Variants in MYO1H observed in about 807,000 individuals in gnomAD.
MYO1H encodes unconventional myosin-Ih.
A neutral mutation model predicts 149.3 loss-of-function variants in MYO1H; 118 were observed. That is an observed-to-expected ratio of 0.79 (90% CI 0.68 to 0.92). MYO1H has a LOEUF of 0.92. Ranked by LOEUF, MYO1H falls within the 40% of genes least tolerant of loss-of-function variation. MYO1H has a pLI of 0.00. For missense variants in MYO1H, 1,212 were observed against 1,280.7 expected, an observed-to-expected ratio of 0.95 and a Z score of 0.82; for synonymous variants, 447 against 465.2, an observed-to-expected ratio of 0.96 and a Z score of 0.50.
At chr12:109,425,742 C>G (rs1260584977) in intron 17 of MYO1H, among the ~76,000 whole-genome samples, 1 of 152,170 alleles carries the variant, frequency 6.6e-6, no homozygotes, top group Non-Finnish European at 1.5e-5. Context: ...CCAGCTTCCA[C>G]GTGACCAGAC....
chr12:109,414,720 T>A (rs1870830396), intron 14 of MYO1H, among the ~76,000 whole-genome samples: 1 of 152,142 alleles, frequency 6.6e-6, no homozygotes, highest in African/African-American at 2.4e-5. Flanking sequence ...TATTTTTTTA[T>A]TTTTTGAGAC....
chr12:109,358,594 GC>G (rs1868660728), intron 1 of MYO1H, among the ~76,000 whole-genome samples: 1 of 152,106 alleles, frequency 6.6e-6, no homozygotes, highest in Admixed American at 6.5e-5. Context: ...ACAGAATTTT[GC>G]CATGCAATGT....
intron 6 of MYO1H, 164 bp downstream of exon 6, chr12:109,401,436 C>T: frequency 1.5e-6 from 1 of 652,370 alleles, no homozygotes; most frequent in Non-Finnish European, 2.4e-6. Flanking sequence ...AATCCATCTC[C>T]TCTTATGCCT....
the MYO1H span, among the ~76,000 whole-genome samples, chr12:109,325,827 A>G: frequency 1.3e-5 from 2 of 152,222 alleles, no homozygotes; most frequent in Non-Finnish European, 2.9e-5. Flanking sequence ...ATAGCTCATC[A>G]TCACTGATCA....
Position 109,367,058 on chromosome 12 carries a change from C to T in MYO1H, c.12+19086C>T, listed in dbSNP as rs1265249321. The stretch of plus-strand genomic sequence containing the variant: ...TCCCAAGCAGTTCAAATAAGGGATA[C>T]TCAACCTGTATGTCAATTGTTATTT... On this transcript the variant is annotated intron_variant, in intron 1 of 31. Transcript: ENST00000310903. Among the ~76,000 whole-genome samples, 3 of 152,166 alleles carry T rather than the reference C, an allele frequency of 2.0e-5. 1 individual carries two copies. Among genetic ancestry groups the T allele is most frequent in the Admixed American group, 2.0e-4 (3 of 15,288 alleles).
chr12:109,445,750 A>G, intron 31 of MYO1H, 138 bp downstream of exon 31: 1 of 1,367,956 alleles, frequency 7.3e-7, no homozygotes, highest in Non-Finnish European at 9.4e-7. Flanking sequence ...TCCTAATTCT[A>G]CATCTGTAAG....
At chr12:109,446,788 T>C (rs1872500729) in intron 31 of MYO1H, among the ~76,000 whole-genome samples, 1 of 152,214 alleles carries the variant, frequency 6.6e-6, no homozygotes, top group Non-Finnish European at 1.5e-5. Flanking sequence ...ATTTTGTAGA[T>C]ATAAAATAAT....
At chr12:109,345,985 T>C (rs186242137), upstream of MYO1H, among the ~76,000 whole-genome samples, 273 of 152,292 alleles carry the variant, frequency 1.8e-3, 3 homozygotes, top group Non-Finnish European at 2.5e-4. Flanking sequence ...AGGATTTCTT[T>C]TGGGGGTCAT....
At chr12:109,355,169 C>T (rs1173197281) in intron 1 of MYO1H, among the ~76,000 whole-genome samples, 1 of 152,008 alleles carries the variant, frequency 6.6e-6, no homozygotes, top group Non-Finnish European at 1.5e-5. Context: ...CTGTGAGCCC[C>T]CTTTTCTACC....
intron 19 of MYO1H, among the ~76,000 whole-genome samples, 157 bp from the exon 20 acceptor site, chr12:109,432,740 T>A (rs1484007064): frequency 2.0e-5 from 3 of 152,168 alleles, no homozygotes; most frequent in African/African-American, 7.2e-5. Flanking sequence ...AAAGTACCCA[T>A]CTTTGAATTC....
At chr12:109,423,152 A>C (rs2135575241) in intron 16 of MYO1H, among the ~76,000 whole-genome samples, 1 of 151,284 alleles carries the variant, frequency 6.6e-6, no homozygotes, top group South Asian at 2.1e-4. Flanking sequence ...TAGCATTTTA[A>C]TCATTTTATT....
chr12:109,406,490 AAAAAAAAAAATT>A (rs1870398445), intron 8 of MYO1H, among the ~76,000 whole-genome samples: 1 of 147,090 alleles, frequency 6.8e-6, no homozygotes, highest in African/African-American at 2.5e-5. Context: ...AAAAAAAAAA[AAAAAAAAAAATT>A]AGCTATGAAT....
chr12:109,382,449 A>G (rs553515695), intron 1 of MYO1H, among the ~76,000 whole-genome samples: 1 of 152,362 alleles, frequency 6.6e-6, no homozygotes, highest in Admixed American at 6.5e-5. Flanking sequence ...CATTGGCTAA[A>G]TGCAATGTGT....
intron 1 of MYO1H, among the ~76,000 whole-genome samples, chr12:109,367,609 T>G (rs1489495881): frequency 6.6e-6 from 1 of 152,124 alleles, no homozygotes; most frequent in Admixed American, 6.5e-5. Context: ...TGGAGTACAA[T>G]GACACTATCT....
At chr12:109,395,344 A>C (rs1464164675) in intron 3 of MYO1H, among the ~76,000 whole-genome samples, 1 of 152,242 alleles carries the variant, frequency 6.6e-6, no homozygotes, top group Non-Finnish European at 1.5e-5. Context: ...ATTTTCATCT[A>C]GAGTTAATAG....
At chr12:109,438,188 G>C (rs1233677379) in intron 22 of MYO1H, among the ~76,000 whole-genome samples, 1 of 151,348 alleles carries the variant, frequency 6.6e-6, no homozygotes, top group African/African-American at 2.4e-5. Flanking sequence ...ACAACTAAAA[G>C]TAAACCCCAG....
chr12:109,333,483 G>C, the MYO1H span, among the ~76,000 whole-genome samples: 1 of 152,010 alleles, frequency 6.6e-6, no homozygotes, highest in Non-Finnish European at 1.5e-5. Flanking sequence ...CTCCTCTAAG[G>C]TTCTTTCTCT....
At chr12:109,394,832 G>T (rs1324038899) in intron 3 of MYO1H, among the ~76,000 whole-genome samples, 1 of 152,090 alleles carries the variant, frequency 6.6e-6, no homozygotes, top group Non-Finnish European at 1.5e-5. Context: ...CACAGTAATG[G>T]ATCACTGCAG....
chr12:109,330,731 C>T, the MYO1H span, among the ~76,000 whole-genome samples: 3 of 152,184 alleles, frequency 2.0e-5, no homozygotes, highest in Non-Finnish European at 4.4e-5. Context: ...CACCCAGTTT[C>T]ATGCAGATCA....
Sources: gnomAD v4.1 joint callset for allele counts (sites outside exome capture counted in the v4.1 genomes callset) on GRCh38, gnomAD v4.1.1 for gene constraint, MANE v1.5 for transcripts, NCBI Gene and HGNC (gene_info 2026-07-23, HGNC 2026-07-21) for gene names.